ARHGAP6: variants seen among roughly 807,000 people sequenced by gnomAD.
ARHGAP6 encodes the protein rho GTPase-activating protein 6.
Under a neutral mutation model 55.7 loss-of-function variants are expected in ARHGAP6, and 16 were observed. That is an observed-to-expected ratio of 0.29 (90% CI 0.19 to 0.44). ARHGAP6 has a LOEUF of 0.44. Ranked by LOEUF, ARHGAP6 falls within the 20% of genes least tolerant of loss-of-function variation. The pLI is 1.00. For synonymous variants in ARHGAP6, 382 were observed against 360.9 expected (o/e 1.06, Z -0.66); for missense variants, 698 against 808.9 (o/e 0.86, Z 1.66).
chrX:11,606,237 C>T (rs1375714629), intron 1 of ARHGAP6, among the ~76,000 whole-genome samples: 3 of 111,860 alleles, frequency 2.7e-5, no homozygotes, highest in Admixed American at 9.5e-5. Flanking sequence ...TAGGAAGTGG[C>T]TTAGCTTTAC....
At chrX:11,169,766 T>C (rs2046064202) in intron 8 of ARHGAP6, 82 bp from the exon 9 acceptor site, 1 of 800,457 alleles carries the variant, frequency 1.2e-6, no homozygotes, top group Non-Finnish European at 1.7e-6. Flanking sequence ...TGAAACCTTT[T>C]ACTCTCCTTT....
rs1452133278 is a variant in ARHGAP6 at position 11,362,098 on chromosome X, G to A, written c.589-107391C>T. The stretch of plus-strand genomic sequence containing the variant: ...CAACCCTTGTGGAAGTCAGTGTGGC[G>A]ATTCCTCAGGGATCTAGAACTAGAA... On this transcript the variant is annotated intron_variant, in intron 1 of 12. Coordinates refer to ENST00000337414, the MANE Select transcript of ARHGAP6 (RefSeq NM_013427.3). Among the ~76,000 whole-genome samples the A allele has an allele frequency of 3.6e-5, 4 of 111,864 alleles. No individual in the cohort carries two copies. The East Asian group carries it at 1.1e-3, about 31-fold the overall frequency.
chrX:11,434,069 T>C (rs1289111722), intron 1 of ARHGAP6, among the ~76,000 whole-genome samples: 1 of 111,704 alleles, frequency 9.0e-6, no homozygotes, highest in Non-Finnish European at 1.9e-5. Context: ...TCTGAAGCTA[T>C]CTTTGGCTGC....
At chrX:11,518,882 G>A (rs868825520) in intron 1 of ARHGAP6, among the ~76,000 whole-genome samples, 7 of 88,737 alleles carry the variant, frequency 7.9e-5, no homozygotes, top group Middle Eastern at 5.5e-3. Context: ...AGAATATGCA[G>A]TGTTTGGTTT....
intron 1 of ARHGAP6, among the ~76,000 whole-genome samples, chrX:11,511,296 G>A (rs944217628): frequency 8.9e-6 from 1 of 112,078 alleles, no homozygotes; most frequent in African/African-American, 3.2e-5. Flanking sequence ...TTAAAATAGA[G>A]GAAGGAGACA....
In ARHGAP6 at chrX:11,444,538, C is replaced by A. The variant is rs192802898; in HGVS notation, c.589-189831G>T. On this transcript the variant is annotated intron_variant, in intron 1 of 12. Coordinates refer to ENST00000337414, the MANE Select transcript of ARHGAP6 (RefSeq NM_013427.3). The stretch of plus-strand genomic sequence containing the variant: ...TGGGAAGCTGTCTCAGCAAGGATGC[C>A]CTTTTGAGCTCCCCTCTTCCTTATT... Among the ~76,000 whole-genome samples, 5 of 112,050 alleles carry A rather than the reference C, an allele frequency of 4.5e-5. No homozygotes were observed. In the East Asian group the frequency reaches 1.4e-3, roughly 32 times the overall value.
chrX:11,640,072 T>C (rs915993932), intron 1 of ARHGAP6, among the ~76,000 whole-genome samples: 4 of 111,825 alleles, frequency 3.6e-5, no homozygotes, highest in Non-Finnish European at 7.5e-5. Flanking sequence ...ACCACTCTTT[T>C]ATTCAATGTG....
At chrX:11,603,545 C>T (rs919561585) in intron 1 of ARHGAP6, among the ~76,000 whole-genome samples, 1 of 111,300 alleles carries the variant, frequency 9.0e-6, no homozygotes, top group African/African-American at 3.3e-5. Flanking sequence ...TGAAATACAT[C>T]AGATTTGAGA....
In ARHGAP6 at chrX:11,361,109, C is replaced by G. The variant is rs1219942747; in HGVS notation, c.589-106402G>C. ...TAATTTATAGATTCAATGCCATCCC[C>G]ATCAAGCTACCAATGACTTTCTTCA... is the stretch of plus-strand genomic sequence containing the variant. On this transcript the variant is annotated intron_variant, in intron 1 of 12. Coordinates refer to ENST00000337414, the MANE Select transcript of ARHGAP6 (RefSeq NM_013427.3). Among the ~76,000 whole-genome samples, 676 of 109,227 alleles carry G rather than the reference C, an allele frequency of 6.2e-3. 4 individuals are homozygous for G. Among genetic ancestry groups the G allele is most frequent in the African/African-American group, 0.022 (644 of 29,845 alleles). 94.9% of individuals were successfully genotyped at this position (109,227 alleles called of 115,157 possible). A position where few individuals can be genotyped will look rare whatever the true frequency, so the allele number is the denominator to read the frequency against.
At chrX:11,451,341 A>C (rs756802667) in intron 1 of ARHGAP6, among the ~76,000 whole-genome samples, 1 of 111,917 alleles carries the variant, frequency 8.9e-6, no homozygotes, top group Non-Finnish European at 1.9e-5. Flanking sequence ...TTGTTACCAT[A>C]GCAACAAAGC....
intron 1 of ARHGAP6, among the ~76,000 whole-genome samples, chrX:11,577,133 C>T (rs749948942): frequency 5.3e-5 from 6 of 112,360 alleles, no homozygotes; most frequent in South Asian, 3.7e-4. Flanking sequence ...TTAATTTAAT[C>T]TGCATCTGCA....
chrX:11,522,443 A>T (rs1172849607), intron 1 of ARHGAP6, among the ~76,000 whole-genome samples: 13 of 111,728 alleles, frequency 1.2e-4, no homozygotes, highest in African/African-American at 4.2e-4. Flanking sequence ...CAACGAATCC[A>T]GGAGCTGGTT....
intron 8 of ARHGAP6, among the ~76,000 whole-genome samples, chrX:11,176,232 CATAT>C (rs746195419): frequency 0.046 from 1,088 of 23,843 alleles, 40 homozygotes; most frequent in African/African-American, 0.1. Flanking sequence ...AGAGGATTTG[CATAT>C]ATATATATAT....
intron 2 of ARHGAP6, among the ~76,000 whole-genome samples, chrX:11,210,062 G>A (rs1285914189): frequency 8.9e-6 from 1 of 112,701 alleles, no homozygotes; most frequent in Non-Finnish European, 1.9e-5. Flanking sequence ...AAGTGGCAAT[G>A]ACCATCCCTC....
At chrX:11,353,548 TAGTGTGTG>T (rs2048887693) in intron 1 of ARHGAP6, among the ~76,000 whole-genome samples, 1 of 80,035 alleles carries the variant, frequency 1.2e-5, no homozygotes, top group South Asian at 6.7e-4. Flanking sequence ...GTATTGCTTA[TAGTGTGTG>T]TGTGTGTGTG....
chrX:11,268,199 C>G (rs2047651108), intron 1 of ARHGAP6, among the ~76,000 whole-genome samples: 1 of 111,842 alleles, frequency 8.9e-6, no homozygotes, highest in African/African-American at 3.2e-5. Context: ...GAATCACTGT[C>G]AAACTTTTTG....
In ARHGAP6 at chrX:11,262,443, A is replaced by C. The variant is rs1166234899; in HGVS notation, c.589-7736T>G. ...CAGACTTGATTTTCCCATGAAATAAAATTGATTGAAATAATTTTGGTTTTG... is the reference window on the plus strand; with the variant it reads ...CAGACTTGATTTTCCCATGAAATAACATTGATTGAAATAATTTTGGTTTTG... On this transcript the variant is annotated intron_variant, in intron 1 of 12. Coordinates refer to ENST00000337414, the MANE Select transcript of ARHGAP6 (RefSeq NM_013427.3). 4.5e-5 allele frequency among the ~76,000 whole-genome samples: 5 copies of C among 112,054 alleles called. No individual in the cohort carries two copies. In the Admixed American group the frequency reaches 4.7e-4, roughly 11 times the overall value.
intron 1 of ARHGAP6, among the ~76,000 whole-genome samples, chrX:11,539,205 C>T (rs12833083): frequency 9.0e-6 from 1 of 111,501 alleles, no homozygotes; most frequent in Non-Finnish European, 1.9e-5. Flanking sequence ...CCTCTACCCA[C>T]TAGGTGTTAC....
At chrX:11,143,479 G>A in intron 11 of ARHGAP6, 1 of 705,384 alleles carries the variant, frequency 1.4e-6, no homozygotes, top group Non-Finnish European at 1.7e-6. Context: ...CAGGTTGAAA[G>A]TGGCAGAGCA....
Sources: gnomAD v4.1 joint callset for allele counts (sites outside exome capture counted in the v4.1 genomes callset) on GRCh38, gnomAD v4.1.1 for gene constraint, MANE v1.5 for transcripts, NCBI Gene and HGNC (gene_info 2026-07-23, HGNC 2026-07-21) for gene names.